C4orf36: variants seen among roughly 807,000 people sequenced by gnomAD.
C4orf36 encodes the protein uncharacterized protein C4orf36.
A neutral mutation model predicts 12.2 loss-of-function variants in C4orf36; 11 were observed. That is an observed-to-expected ratio of 0.90 (90% confidence interval 0.57 to 1.49). The LOEUF (loss-of-function observed/expected upper bound fraction) is 1.49, where lower values mean the gene tolerates loss of function less well. Ranked by LOEUF, C4orf36 falls within the 40% of genes most tolerant of loss-of-function variation. The pLI, the probability that C4orf36 is intolerant of heterozygous loss-of-function variation, is 0.00. For synonymous variants in C4orf36, 54 were observed against 51.3 expected (o/e 1.05, Z -0.22); for missense variants, 137 against 133.9 (o/e 1.02, Z -0.11).
rs892683424 is a variant in C4orf36 at position 86,888,167 on chromosome 4, G to T, written c.174C>A (p.Leu58=). 5 of 1,614,136 alleles carry T rather than the reference G, an allele frequency of 3.1e-6. No individual in the cohort carries two copies. The highest frequency in any genetic ancestry group is 4.2e-6 in the Non-Finnish European group (5 of 1,180,010). ...CATCTTTAATGGTGGTACATTTTGT[G>T]AGCTGCACAGAACCACCAAATGAAA... ...EEISFGGSVQ[L]TKCTTIKDGL... The change falls in exon 3 of 5, where the codon CTC becomes CTA. Residue 58 remains leucine (L), a synonymous_variant. Transcript: ENST00000295898.
rs1198516272 is a variant in C4orf36, at chr4:86,888,165, G to A, written c.176C>T (p.Thr59Ile). Residue 59 changes from threonine to isoleucine, a missense_variant, in exon 3 of 5, where the codon ACA (threonine) becomes ATA (isoleucine). Coordinates refer to ENST00000295898, the MANE Select transcript of C4orf36 (RefSeq NM_144645.4). ...TCCATCTTTAATGGTGGTACATTTT[G>A]TGAGCTGCACAGAACCACCAAATGA... ...EISFGGSVQL[T>I]KCTTIKDGLL... 2 of 1,614,082 alleles carry A rather than the reference G, an allele frequency of 1.2e-6. No individual in the cohort carries two copies. Among genetic ancestry groups the A allele is most frequent in the Admixed American group, 3.3e-5 (2 of 60,020 alleles).
At chr4:86,890,200 AGGG>A (rs1560473821) in intron 2 of C4orf36, 24 of 163,888 alleles carry the variant, frequency 1.5e-4, no homozygotes, top group South Asian at 5.5e-4. Flanking sequence ...GGAGGGAGGG[AGGG>A]AGGGAGGAAG....
chr4:86,934,923 G>C, the C4orf36 span: 1 of 152,068 alleles, frequency 6.6e-6, no homozygotes, highest in Non-Finnish European at 1.5e-5. Flanking sequence ...ACCCGGTACC[G>C]CAGCTCGGGA....
chr4:86,893,482 AG>A (rs1392995278), upstream of C4orf36, among the ~76,000 whole-genome samples: 1 of 151,648 alleles, frequency 6.6e-6, no homozygotes, highest in Non-Finnish European at 1.5e-5. Context: ...GCTATTCAGG[AG>A]GCTCAGACAG....
chr4:86,899,816 G>A, the C4orf36 span, among the ~76,000 whole-genome samples: 1 of 152,174 alleles, frequency 6.6e-6, no homozygotes, highest in Non-Finnish European at 1.5e-5. Context: ...GGGAAATAGA[G>A]CGAGCCCCTG....
intron 4 of C4orf36, among the ~76,000 whole-genome samples, chr4:86,880,702 CATAGAAAA>C (rs1171007970): frequency 6.6e-6 from 1 of 152,132 alleles, no homozygotes; most frequent in Non-Finnish European, 1.5e-5. Flanking sequence ...AACATAAAAC[CATAGAAAA>C]ATATAAAGCT....
the C4orf36 span, among the ~76,000 whole-genome samples, chr4:86,900,855 T>G: frequency 6.6e-6 from 1 of 152,202 alleles, no homozygotes; most frequent in African/African-American, 2.4e-5. Flanking sequence ...ACAAGCTATG[T>G]ATCTGATGCT....
At position 86,884,298 on chromosome 4, in the gene C4orf36, A is replaced by ACTTTTTTTTTTTTTTTTTTT. The variant is rs1560471171; in HGVS notation, c.*2+3459_*2+3460insAAAAAAAAAAAAAAAAAAAG. On this transcript the variant is annotated intron_variant, in intron 4 of 4. Transcript: ENST00000295898. ...AAATTAGGCAGAAGGAAAAAGACTG[A>ACTTTTTTTTTTTTTTTTTTT]ATTTTTTTTTTTTTTTTTTTTTTTG... is the stretch of plus-strand genomic sequence containing the variant. Among the ~76,000 whole-genome samples, 5 of 125,250 alleles carry ACTTTTTTTTTTTTTTTTTTT rather than the reference A, an allele frequency of 4.0e-5. 2 individuals are homozygous for ACTTTTTTTTTTTTTTTTTTT. The allele number at this position is 125,250 out of a possible 152,430, so 82.2% of individuals were successfully genotyped here.
At chr4:86,923,810 C>A in the C4orf36 span, among the ~76,000 whole-genome samples, 2 of 150,614 alleles carry the variant, frequency 1.3e-5, no homozygotes, top group African/African-American at 4.9e-5. Flanking sequence ...GGTATAATTT[C>A]TGTCTCCTGA....
chr4:86,905,261 T>C, the C4orf36 span, among the ~76,000 whole-genome samples: 7 of 150,326 alleles, frequency 4.7e-5, no homozygotes, highest in African/African-American at 1.7e-4. Flanking sequence ...CACATGCCTG[T>C]CGTCCTTGCT....
the C4orf36 span, among the ~76,000 whole-genome samples, chr4:86,918,614 G>T: frequency 6.6e-6 from 1 of 152,140 alleles, no homozygotes; most frequent in Admixed American, 6.5e-5. Flanking sequence ...CAAATCAACA[G>T]GTAGAATAAG....
chr4:86,897,505 C>T, the C4orf36 span, among the ~76,000 whole-genome samples: 3 of 152,228 alleles, frequency 2.0e-5, no homozygotes, highest in African/African-American at 7.2e-5. Flanking sequence ...GATTCTCTCA[C>T]CCAGCCACAG....
the C4orf36 span, chr4:86,913,480 G>T: frequency 1.3e-6 from 1 of 776,306 alleles, no homozygotes; most frequent in Non-Finnish European, 2.3e-6. Context: ...GACATGTTGC[G>T]TTGGATGCTC....
intron 1 of C4orf36, 145 bp from the exon 2 acceptor site, chr4:86,891,738 A>AT (rs1226423554): frequency 2.5e-6 from 2 of 814,376 alleles, no homozygotes; most frequent in Non-Finnish European, 3.5e-6. Context: ...GTTCTCTTTC[A>AT]TTTTTCCATG....
At chr4:86,922,276 A>G in the C4orf36 span, among the ~76,000 whole-genome samples, 4 of 152,242 alleles carry the variant, frequency 2.6e-5, no homozygotes, top group African/African-American at 9.6e-5. Flanking sequence ...CAGAGCTATA[A>G]AATAGCCCCA....
chr4:86,913,551 TTGGGCAGCAGTCA>T, the C4orf36 span: 9 of 1,030,592 alleles, frequency 8.7e-6, no homozygotes, highest in Non-Finnish European at 1.2e-5. Flanking sequence ...GAAAAGAGCG[TTGGGCAGCAGTCA>T]TGGCCAGCAG....
chr4:86,877,437 C>T (rs1254214089), intron 4 of C4orf36, among the ~76,000 whole-genome samples: 1 of 152,192 alleles, frequency 6.6e-6, no homozygotes, highest in Non-Finnish European at 1.5e-5. Flanking sequence ...AGACTTTCAG[C>T]CAAGAAACTT....
At chr4:86,893,830 G>C (rs1747519347), upstream of C4orf36, among the ~76,000 whole-genome samples, 1 of 152,012 alleles carries the variant, frequency 6.6e-6, no homozygotes, top group Non-Finnish European at 1.5e-5. Flanking sequence ...TCAATGGACT[G>C]TGAGACCAGT....
upstream of C4orf36, among the ~76,000 whole-genome samples, chr4:86,893,787 G>T (rs1420712633): frequency 6.6e-6 from 1 of 152,096 alleles, no homozygotes; most frequent in East Asian, 1.9e-4. Context: ...AGTGACAGTG[G>T]GTGTTTTCTT....
Sources: allele counts gnomAD v4.1 joint callset (sites outside exome capture counted in the v4.1 genomes callset), GRCh38; gene constraint gnomAD v4.1.1; transcripts MANE v1.5; gene names NCBI Gene and HGNC (gene_info 2026-07-23, HGNC 2026-07-21).